ARID3A: variants seen among roughly 807,000 people sequenced by gnomAD.
The protein encoded by ARID3A is AT-rich interaction domain 3A, also known as AT-rich interactive domain-containing protein 3A.
A neutral mutation model predicts 52.7 loss-of-function variants in ARID3A; 11 were observed. The ratio of observed to expected loss-of-function variants is 0.21; its 90% confidence interval spans 0.13 to 0.35. The LOEUF (loss-of-function observed/expected upper bound fraction) is 0.35. Among genes scored for constraint, ARID3A ranks in the 10% least tolerant of loss-of-function variants. The pLI is 1.00. For missense variants in ARID3A, 721 were observed against 838.5 expected, an observed-to-expected ratio of 0.86 and a Z score of 1.73; for synonymous variants, 404 against 359.4, an observed-to-expected ratio of 1.12 and a Z score of -1.40.
Position 959,469 on chromosome 19 carries a change from G to A in ARID3A, c.694-623G>A, listed in dbSNP as rs191167044. 6.6e-6 allele frequency among the ~76,000 whole-genome samples: 1 copy of A among 152,048 alleles called. No individual in the cohort carries two copies. Among genetic ancestry groups the A allele is most frequent in the Non-Finnish European group, 1.5e-5 (1 of 68,014 alleles). ...TTTGTTATCATAATGTAGAGATGGG[G>A]TCTCACTATGTTGCCCAGGCTGGTC... is the stretch of plus-strand genomic sequence containing the variant. On this transcript the variant is annotated intron_variant, in intron 3 of 8. Transcript: ENST00000263620. This position sits in a 1 kb window ranked among gnomAD's most constrained non-coding sequence, Gnocchi z 5.0.
At chr19:962,020 C>G (rs938994765) in intron 4 of ARID3A, 1 of 152,192 alleles carries the variant, frequency 6.6e-6, no homozygotes, top group Non-Finnish European at 1.5e-5. Flanking sequence ...CTTTACCTCC[C>G]TCTCCAAGCT....
At chr19:927,693 G>A (rs2037230360) in intron 1 of ARID3A, among the ~76,000 whole-genome samples, 1 of 150,636 alleles carries the variant, frequency 6.6e-6, no homozygotes, top group African/African-American at 2.4e-5. Context: ...CTTGGGTTGG[G>A]TGGGTGGGGG....
chr19:926,421 C>T (rs1306968553), intron 1 of ARID3A, among the ~76,000 whole-genome samples: 1 of 151,248 alleles, frequency 6.6e-6, no homozygotes, highest in Non-Finnish European at 1.5e-5. Context: ...CAGGGGCGAG[C>T]AGGGGCGATC....
chr19:972,148 T>A lies in ARID3A; in HGVS notation c.*83T>A. On this transcript the variant is annotated 3_prime_UTR_variant, in exon 9 of 9. Coordinates refer to ENST00000263620, the MANE Select transcript of ARID3A (RefSeq NM_005224.3). ...CAGGTGGGCCACACAGGGGCCAGGA[T>A]GGCGGAAGATACGGGTGGGGAGGGA... The A allele has an allele frequency of 7.5e-7, 1 of 1,327,776 alleles. No homozygotes were observed. Among genetic ancestry groups the A allele is most frequent in the African/African-American group, 1.6e-5 (1 of 62,850 alleles). The allele number at this position is 1,327,776 out of a possible 1,614,324, so 82.2% of individuals were successfully genotyped here.
chr19:954,710 G>T (rs546740605), intron 3 of ARID3A, among the ~76,000 whole-genome samples: 1 of 152,156 alleles, frequency 6.6e-6, no homozygotes, highest in South Asian at 2.1e-4. Context: ...CTGGGAGGAC[G>T]GGGGGCTCCC....
rs1230418256 is a variant in ARID3A at position 929,430 on chromosome 19, G to A, written c.-99G>A. On this transcript the variant is annotated 5_prime_UTR_variant, in exon 2 of 9. Coordinates refer to ENST00000263620, the MANE Select transcript of ARID3A (RefSeq NM_005224.3). This position sits in a 1 kb window ranked among gnomAD's most constrained non-coding sequence, Gnocchi z 6.2. Reference sequence around the variant, plus strand: ...CCCCGCGGCCCCCACGCTGCAGTGCGGCCGGGCCCCCTCCCCGCAGGGGCC... The same window carrying A: ...CCCCGCGGCCCCCACGCTGCAGTGCAGCCGGGCCCCCTCCCCGCAGGGGCC... 19 of 1,224,892 alleles carry A rather than the reference G, an allele frequency of 1.6e-5. No individual in the cohort carries two copies. The highest frequency in any genetic ancestry group is 3.2e-4 in the Middle Eastern group (1 of 3,088). 75.9% of individuals were successfully genotyped at this position (1,224,892 alleles called of 1,614,324 possible). A position where few individuals can be genotyped will look rare whatever the true frequency, so the allele number is the denominator to read the frequency against.
chr19:966,235 G>A (rs1237660020), intron 6 of ARID3A, among the ~76,000 whole-genome samples: 4 of 151,452 alleles, frequency 2.6e-5, no homozygotes, highest in East Asian at 2.0e-4. Flanking sequence ...CGAGGCGGGC[G>A]GATCACCTGA....
chr19:931,270 G>C (rs1599381650), intron 2 of ARID3A, among the ~76,000 whole-genome samples: 1 of 152,060 alleles, frequency 6.6e-6, no homozygotes, highest in East Asian at 1.9e-4. Context: ...CTCCAGCCTG[G>C]GCAACAGAGA....
rs772606131 is a variant in ARID3A, at chr19:929,889, G to A, written c.361G>A (p.Glu121Lys). Residue 121 changes from glutamate (E) to lysine (K), a missense_variant, in exon 2 of 9, where the codon GAG becomes AAG. Around this residue, in one of 5 missense-constraint regions of ARID3A, gnomAD observed 349 missense variants for 297.3 expected, o/e 1.17. Coordinates refer to ENST00000263620, the MANE Select transcript of ARID3A (RefSeq NM_005224.3). This position sits in a 1 kb window ranked among gnomAD's most constrained non-coding sequence, Gnocchi z 6.2. ...GCACTTTGAGGACATGGCCTCCGAC[G>A]AGGACATGTGAGTTGGGGTCTGGGG... ...EEHFEDMASD[E>K]DMKPKWEEEE... 1.9e-5 allele frequency: 29 copies of A among 1,540,722 alleles called. No individual in the cohort carries two copies. Among genetic ancestry groups the A allele is most frequent in the South Asian group, 1.3e-4 (11 of 84,066 alleles).
In ARID3A at chr19:973,792, C is replaced by T. The variant is rs1162917490; in HGVS notation, c.*1727C>T. ...CCCCACCACCCTGTGGGTCAGTACC[C>T]CTCCCCCTGGCTTGGAGAAAGTGGG... On this transcript the variant is annotated 3_prime_UTR_variant, in exon 9 of 9. Transcript: ENST00000263620. 6 of 229,482 alleles carry T rather than the reference C, an allele frequency of 2.6e-5. No homozygotes were observed. The highest frequency in any genetic ancestry group is 1.1e-4 in the Admixed American group (2 of 17,664). The allele number at this position is 229,482 out of a possible 1,614,324, so 14.2% of individuals were successfully genotyped here. A position where few individuals can be genotyped will look rare whatever the true frequency, so the allele number is the denominator to read the frequency against.
chr19:929,726 G>A lies in ARID3A; in HGVS notation c.198G>A (p.Arg66=), dbSNP rs771698585. The A allele has an allele frequency of 1.3e-6, 2 of 1,560,362 alleles. No individual in the cohort carries two copies. The highest frequency in any genetic ancestry group is 3.7e-5 in the Admixed American group (2 of 53,624). ...RAQMAALAAM[R]AAAAGLGHPA... Reference sequence around the variant, plus strand: ...AGATGGCCGCACTGGCAGCCATGCGGGCTGCAGCTGCGGGCCTGGGACACC... The same window carrying A: ...AGATGGCCGCACTGGCAGCCATGCGAGCTGCAGCTGCGGGCCTGGGACACC... The change falls in exon 2 of 9, where the codon CGG becomes CGA. Residue 66 remains arginine (R), a synonymous_variant. Coordinates refer to ENST00000263620, the MANE Select transcript of ARID3A (RefSeq NM_005224.3). This position sits in a 1 kb window ranked among gnomAD's most constrained non-coding sequence, Gnocchi z 6.2.
intron 1 of ARID3A, among the ~76,000 whole-genome samples, chr19:926,299 C>A (rs1167705182): frequency 6.6e-6 from 1 of 151,308 alleles, no homozygotes; most frequent in Non-Finnish European, 1.5e-5. Flanking sequence ...CAAAGTTGGG[C>A]GGAGATGTTG....
rs891553504 is a variant in ARID3A, at chr19:941,841, C to T, written c.693+9099C>T. Among the ~76,000 whole-genome samples, 5 of 150,832 alleles carry T rather than the reference C, an allele frequency of 3.3e-5. No homozygotes were observed. The highest frequency in any genetic ancestry group is 6.6e-5 in the Admixed American group (1 of 15,122). The stretch of plus-strand genomic sequence containing the variant: ...GGCTGCAAGCGTATGTGTGTGTGCA[C>T]GTCGAGGCTGGAGAGTGTGTGTCCA... On this transcript the variant is annotated intron_variant, in intron 3 of 8. Coordinates refer to ENST00000263620, the MANE Select transcript of ARID3A (RefSeq NM_005224.3). This position sits in a 1 kb window ranked among gnomAD's most constrained non-coding sequence, Gnocchi z 6.9.
chr19:936,873 T>C (rs1599388770), intron 3 of ARID3A, among the ~76,000 whole-genome samples: 1 of 151,188 alleles, frequency 6.6e-6, no homozygotes, highest in Non-Finnish European at 1.5e-5. Flanking sequence ...CCCTGACCCT[T>C]TAACTATTAT....
At chr19:962,593 C>T (rs2038066324) in intron 4 of ARID3A, among the ~76,000 whole-genome samples, 2 of 146,524 alleles carry the variant, frequency 1.4e-5, no homozygotes, top group South Asian at 4.2e-4. Context: ...CGGCTCTCTG[C>T]AACCTCCACC....
intron 8 of ARID3A, among the ~76,000 whole-genome samples, chr19:970,148 C>T (rs982335158): frequency 6.6e-6 from 1 of 151,724 alleles, no homozygotes; most frequent in Admixed American, 6.6e-5. Flanking sequence ...CCCCATCTTC[C>T]CTAAAAATAC....
intron 3 of ARID3A, among the ~76,000 whole-genome samples, chr19:936,580 C>T (rs961650671): frequency 4.6e-5 from 7 of 152,168 alleles, no homozygotes; most frequent in Non-Finnish European, 1.0e-4. Flanking sequence ...CAGTGGCTCA[C>T]GTCTGCAATC....
At position 929,415 on chromosome 19, in the gene ARID3A, CCCA is replaced by C; in HGVS notation, c.-112_-110del. The stretch of plus-strand genomic sequence containing the variant: ...GCACTGCCCCGGCTCCCCCGCGGCC[CCCA>C]CGCTGCAGTGCGGCCGGGCCCCCTC... On this transcript the variant is annotated 5_prime_UTR_variant, in exon 2 of 9. Transcript: ENST00000263620. The surrounding 1 kb of genome is among the most constrained non-coding windows in gnomAD (Gnocchi z 6.2). 1 of 1,169,020 alleles carries C rather than the reference CCCA, an allele frequency of 8.6e-7. No individual in the cohort carries two copies. The highest frequency in any genetic ancestry group is 1.1e-6 in the Non-Finnish European group (1 of 920,492). 72.4% of individuals were successfully genotyped at this position (1,169,020 alleles called of 1,614,324 possible).
rs2037568945 is a variant in ARID3A, at chr19:942,112, C to G, written c.693+9370C>G. On this transcript the variant is annotated intron_variant, in intron 3 of 8. Transcript: ENST00000263620. This position sits in a 1 kb window ranked among gnomAD's most constrained non-coding sequence, Gnocchi z 8.1. ...GCCCGCCATGGGCTCTGGAGCCAGC[C>G]TAGCCGATGATGGAGCCCCAGTGGC... 6.6e-6 allele frequency among the ~76,000 whole-genome samples: 1 copy of G among 152,186 alleles called. No individual in the cohort carries two copies. The highest frequency in any genetic ancestry group is 6.5e-5 in the Admixed American group (1 of 15,286).
Sources: allele counts gnomAD v4.1 joint callset (sites outside exome capture counted in the v4.1 genomes callset), GRCh38; gene constraint gnomAD v4.1.1; regional missense constraint gnomAD v4.1.1; non-coding constraint Gnocchi (gnomAD v3.1); transcripts MANE v1.5; gene names NCBI Gene and HGNC (gene_info 2026-07-23, HGNC 2026-07-21).